The following SYNDIG1L variants were observed in gnomAD, a reference collection of about 807,000 sequenced individuals.
The protein encoded by SYNDIG1L is synapse differentiation-inducing gene protein 1-like.
Under a neutral mutation model 20.1 loss-of-function variants are expected in SYNDIG1L, and 13 were observed. The observed-to-expected ratio is 0.65, with a 90% CI of 0.42 to 1.03. SYNDIG1L has a LOEUF of 1.03. Among genes scored for constraint, SYNDIG1L ranks in the 50% least tolerant of loss-of-function variants. The pLI is 0.00. For missense variants in SYNDIG1L, 294 were observed against 305.1 expected, an observed-to-expected ratio of 0.96 and a Z score of 0.27; for synonymous variants, 128 against 129.3, an observed-to-expected ratio of 0.99 and a Z score of 0.07.
At chr14:74,418,884 C>A (rs1243746285) in intron 1 of SYNDIG1L, among the ~76,000 whole-genome samples, 1 of 152,208 alleles carries the variant, frequency 6.6e-6, no homozygotes, top group East Asian at 1.9e-4. Flanking sequence ...CAAGTGACCT[C>A]TGTTAATGCC....
At chr14:74,433,992 T>C in the SYNDIG1L span, among the ~76,000 whole-genome samples, 1 of 152,116 alleles carries the variant, frequency 6.6e-6, no homozygotes. Context: ...GAGTTTGCAA[T>C]ATCATGGGAG....
In SYNDIG1L at chr14:74,416,661, A is replaced by G. The variant is rs544871963; in HGVS notation, c.-57-6860T>C. ...AAACAAAAACAAACCAAACAAACAA[A>G]CAAACAAACAAAAAAGATAGATTGG... is the stretch of plus-strand genomic sequence containing the variant. On this transcript the variant is annotated intron_variant, in intron 1 of 3. Transcript: ENST00000331628. 1.2e-3 allele frequency among the ~76,000 whole-genome samples: 184 copies of G among 152,166 alleles called. 3 individuals are homozygous for G. Among genetic ancestry groups the G allele is most frequent in the African/African-American group, 4.1e-3 (170 of 41,488 alleles).
At chr14:74,461,928 A>C in the SYNDIG1L span, among the ~76,000 whole-genome samples, 1 of 135,598 alleles carries the variant, frequency 7.4e-6, no homozygotes, top group African/African-American at 2.8e-5. Flanking sequence ...CAAAAAATAC[A>C]AAAAAAATTT....
chr14:74,453,280 G>A, the SYNDIG1L span, among the ~76,000 whole-genome samples: 1 of 140,408 alleles, frequency 7.1e-6, no homozygotes, highest in African/African-American at 2.7e-5. Context: ...TTGAACCCAG[G>A]AGGCAGAAGT....
chr14:74,417,258 G>A (rs954197604), intron 1 of SYNDIG1L, among the ~76,000 whole-genome samples: 3 of 152,198 alleles, frequency 2.0e-5, no homozygotes, highest in African/African-American at 4.8e-5. Context: ...CAGAGGTCCT[G>A]GCAAAGGTGA....
intron 1 of SYNDIG1L, among the ~76,000 whole-genome samples, chr14:74,422,621 A>G (rs1259172359): frequency 6.7e-6 from 1 of 149,212 alleles, no homozygotes; most frequent in Non-Finnish European, 1.5e-5. Context: ...AGGGACCTGC[A>G]TGTGTGTATT....
the SYNDIG1L span, among the ~76,000 whole-genome samples, chr14:74,451,563 G>A: frequency 3.3e-5 from 5 of 152,122 alleles, no homozygotes; most frequent in Non-Finnish European, 5.9e-5. Flanking sequence ...GAAGAAAAAT[G>A]GATAAATTTA....
rs367847600 is a variant in SYNDIG1L at position 74,407,620 on chromosome 14, G to C, written c.632C>G (p.Thr211Arg). 3.0e-5 allele frequency: 48 copies of C among 1,613,940 alleles called. No individual in the cohort carries two copies. Among genetic ancestry groups the C allele is most frequent in the Non-Finnish European group, 4.1e-5 (48 of 1,179,930 alleles). ...ACCGGCCCCCACGGCGATGGCGAGT[G>C]TGGCTAGGAAGAGGGCCCGGCGGGA... ...TTSRRALFLATLAIAVGAGLY... is the reference protein window; with the variant it reads ...TTSRRALFLARLAIAVGAGLY... The change falls in exon 4 of 4, where the codon ACA (threonine) becomes AGA (arginine). Residue 211 changes from threonine (T) to arginine (R), a missense_variant. Transcript: ENST00000331628.
chr14:74,475,055 G>A, the SYNDIG1L span, among the ~76,000 whole-genome samples: 1 of 152,160 alleles, frequency 6.6e-6, no homozygotes, highest in Admixed American at 6.5e-5. Flanking sequence ...GAGAGGGTTA[G>A]AATCTGGCTT....
chr14:74,442,559 T>C, the SYNDIG1L span, among the ~76,000 whole-genome samples: 1 of 152,224 alleles, frequency 6.6e-6, no homozygotes, highest in African/African-American at 2.4e-5. Flanking sequence ...GTTTAGTTTT[T>C]ATTCTAAAAT....
At chr14:74,430,069 C>T (rs897139524), upstream of SYNDIG1L, among the ~76,000 whole-genome samples, 7 of 152,182 alleles carry the variant, frequency 4.6e-5, no homozygotes, top group Non-Finnish European at 1.0e-4. Context: ...CGGTCCCGCC[C>T]GATTCCCTGC....
At chr14:74,479,799 T>C in the SYNDIG1L span, 6 of 262,004 alleles carry the variant, frequency 2.3e-5, no homozygotes, top group Non-Finnish European at 4.3e-5. Flanking sequence ...AGATATGGTC[T>C]TACTGGACAA....
chr14:74,477,257 G>A, the SYNDIG1L span, among the ~76,000 whole-genome samples: 3 of 152,106 alleles, frequency 2.0e-5, no homozygotes, highest in African/African-American at 4.8e-5. Flanking sequence ...TCACCTTGGC[G>A]ACTTTCTTAC....
At chr14:74,457,527 T>C in the SYNDIG1L span, among the ~76,000 whole-genome samples, 1 of 151,820 alleles carries the variant, frequency 6.6e-6, no homozygotes, top group Admixed American at 6.6e-5. Context: ...ATCCATCAGC[T>C]CTCTGCCTCA....
At chr14:74,436,227 ATT>A in the SYNDIG1L span, among the ~76,000 whole-genome samples, 4,074 of 138,348 alleles carry the variant, frequency 0.029, 147 homozygotes, top group African/African-American at 0.095. Flanking sequence ...TACCCCACTC[ATT>A]TTTTTTTTTT....
the SYNDIG1L span, among the ~76,000 whole-genome samples, chr14:74,453,685 G>A: frequency 6.6e-6 from 1 of 152,174 alleles, no homozygotes; most frequent in Non-Finnish European, 1.5e-5. Flanking sequence ...AGGCACAGTG[G>A]CTCACACCTG....
chr14:74,442,079 C>T, the SYNDIG1L span, among the ~76,000 whole-genome samples: 1 of 152,010 alleles, frequency 6.6e-6, no homozygotes, highest in Non-Finnish European at 1.5e-5. Flanking sequence ...CATGATGTAA[C>T]GTGGGGTTAA....
intron 1 of SYNDIG1L, among the ~76,000 whole-genome samples, chr14:74,422,684 TTC>T (rs1183068315): frequency 1.4e-5 from 1 of 73,120 alleles, no homozygotes; most frequent in Admixed American, 1.5e-4. Flanking sequence ...CACACACAAT[TTC>T]TCTTTTTTTT....
the SYNDIG1L span, among the ~76,000 whole-genome samples, chr14:74,463,810 G>A: frequency 1.3e-5 from 2 of 152,190 alleles, no homozygotes; most frequent in Non-Finnish European, 1.5e-5. Context: ...TCCAGGTTAG[G>A]GAAGAGAAGC....
Sources: gnomAD v4.1 joint callset for allele counts (sites outside exome capture counted in the v4.1 genomes callset) on GRCh38, gnomAD v4.1.1 for gene constraint, MANE v1.5 for transcripts, NCBI Gene and HGNC (gene_info 2026-07-23, HGNC 2026-07-21) for gene names.